Variants in DSCAML1 observed in about 807,000 individuals in gnomAD.
The protein encoded by DSCAML1 is DS cell adhesion molecule like 1, also known as cell adhesion molecule DSCAML1.
In DSCAML1, 38 loss-of-function variants were observed where a neutral mutation model predicts 200.5. That is an observed-to-expected ratio of 0.19 (90% CI 0.15 to 0.25). The LOEUF (loss-of-function observed/expected upper bound fraction) is 0.25. DSCAML1 is among the 10% of genes least tolerant of loss of function. DSCAML1 has a pLI of 1.00. For synonymous variants in DSCAML1, 1,215 were observed against 1,165.0 expected (o/e 1.04, Z -0.87); for missense variants, 2,223 against 2,858.8 (o/e 0.78, Z 5.07).
intron 3 of DSCAML1, among the ~76,000 whole-genome samples, chr11:117,595,226 AAGTC>A (rs2051341093): frequency 6.6e-6 from 1 of 152,152 alleles, no homozygotes; most frequent in Admixed American, 6.5e-5. Context: ...GGGATCAAGA[AAGTC>A]AGTGGAGCCA....
chr11:117,814,866 T>C (rs929998150), intron 1 of DSCAML1, among the ~76,000 whole-genome samples: 2 of 152,208 alleles, frequency 1.3e-5, no homozygotes, highest in African/African-American at 2.4e-5. Context: ...ATGATTTTAT[T>C]AGCTGTGTTG....
intron 3 of DSCAML1, among the ~76,000 whole-genome samples, chr11:117,746,503 G>A (rs2054520436): frequency 6.6e-6 from 1 of 152,062 alleles, no homozygotes; most frequent in African/African-American, 2.4e-5. Flanking sequence ...AGTGGTACCT[G>A]GGGAAGTGCT....
intron 1 of DSCAML1, among the ~76,000 whole-genome samples, chr11:117,811,214 C>A (rs1388419819): frequency 1.1e-4 from 16 of 152,218 alleles, no homozygotes; most frequent in African/African-American, 3.4e-4. Context: ...AAATATAAAA[C>A]CCCAGCCGAG....
At chr11:117,669,812 A>G (rs1024717096) in intron 3 of DSCAML1, among the ~76,000 whole-genome samples, 1 of 152,234 alleles carries the variant, frequency 6.6e-6, no homozygotes, top group Admixed American at 6.5e-5. Flanking sequence ...GCAGGGGCGG[A>G]TGGAACATCC....
chr11:117,791,612 C>T lies in DSCAML1; in HGVS notation c.46+5422G>A, dbSNP rs150058793. On this transcript the variant is annotated intron_variant, in intron 1 of 32. Transcript: ENST00000651296. ...AAGTGTGCTGGGCACCCCAGGGACA[C>T]TCAGGTGACCACATGGCCTCAGCCA... Among the ~76,000 whole-genome samples the T allele has an allele frequency of 4.1e-4, 62 of 152,354 alleles. 1 individual carries two copies. In the Middle Eastern group the frequency reaches 0.02, roughly 50 times the overall value.
At position 117,810,960 on chromosome 11, in the gene DSCAML1, C is replaced by A. The variant is rs1480596629; in HGVS notation, c.-250+6430G>T. 2.0e-5 allele frequency among the ~76,000 whole-genome samples: 3 copies of A among 152,246 alleles called. 1 individual carries two copies. The South Asian group carries it at 6.2e-4, about 32-fold the overall frequency. The stretch of plus-strand genomic sequence containing the variant: ...TTTTCTACAGACCCATCTGACCTCT[C>A]CCCTCCTCGCCAGACCAAGCTAGGT... On this transcript the variant is annotated intron_variant, in intron 1 of 2. Transcript: ENST00000525836.
rs918702499 is a variant in DSCAML1, at chr11:117,503,607, G to A, written c.2359+238C>T. On this transcript the variant is annotated intron_variant, in intron 11 of 32. Transcript: ENST00000651296. The surrounding 1 kb of genome is among the most constrained non-coding windows in gnomAD (Gnocchi z 5.2). ...GATATTGCAGCAGAGCAAATCATGA[G>A]CTTATTGTGACCAGGGTGGGGTGAG... Among the ~76,000 whole-genome samples, 1 of 152,224 alleles carries A rather than the reference G, an allele frequency of 6.6e-6. No homozygotes were observed. Among genetic ancestry groups the A allele is most frequent in the Non-Finnish European group, 1.5e-5 (1 of 68,036 alleles).
rs79944824 is a variant in DSCAML1, at chr11:117,570,468, C to A, written c.512-37946G>T. On this transcript the variant is annotated intron_variant, in intron 3 of 32. Transcript: ENST00000651296. ...TATTTACTTGCAAATTTATTTTATA[C>A]CTCCCTCTGCACTGAAATATAAGTG... is the stretch of plus-strand genomic sequence containing the variant. Among the ~76,000 whole-genome samples the A allele has an allele frequency of 9.1e-3, 1,388 of 152,276 alleles. 25 individuals carry two copies. Among genetic ancestry groups the A allele is most frequent in the African/African-American group, 0.032 (1,324 of 41,522 alleles).
intron 20 of DSCAML1, among the ~76,000 whole-genome samples, chr11:117,448,650 A>C: frequency 1.5e-5 from 2 of 130,770 alleles, no homozygotes; most frequent in African/African-American, 2.9e-5. Context: ...GGGGGTGGGT[A>C]GAGTTGGGGG....
intron 1 of DSCAML1, among the ~76,000 whole-genome samples, chr11:117,791,671 G>A (rs12293842): frequency 0.059 from 8,992 of 152,254 alleles, 742 homozygotes; most frequent in African/African-American, 0.18. Flanking sequence ...GCTAGGTGAC[G>A]GATGGAAGGA....
At chr11:117,478,631 C>T (rs1396993862) in intron 14 of DSCAML1, among the ~76,000 whole-genome samples, 1 of 152,212 alleles carries the variant, frequency 6.6e-6, no homozygotes, top group African/African-American at 2.4e-5. Flanking sequence ...GAAAGCTCAG[C>T]CCGGACGCCT....
chr11:117,749,953 T>C (rs2054578884), intron 3 of DSCAML1, among the ~76,000 whole-genome samples: 1 of 152,248 alleles, frequency 6.6e-6, no homozygotes, highest in African/African-American at 2.4e-5. Context: ...CATGGAAACG[T>C]AAGGGTGACA....
intron 11 of DSCAML1, among the ~76,000 whole-genome samples, chr11:117,487,298 T>G (rs1223120032): frequency 6.6e-6 from 1 of 152,058 alleles, no homozygotes; most frequent in Non-Finnish European, 1.5e-5. Flanking sequence ...CTATTATAAT[T>G]AATCTCACCT....
rs1359795495 is a variant in DSCAML1, at chr11:117,518,953, G to A, written c.1214-191C>T. 6.6e-6 allele frequency among the ~76,000 whole-genome samples: 1 copy of A among 152,240 alleles called. No individual in the cohort carries two copies. The highest frequency in any genetic ancestry group is 1.9e-4 in the East Asian group (1 of 5,202). On this transcript the variant is annotated intron_variant, in intron 6 of 32. Transcript: ENST00000651296. The surrounding 1 kb of genome is among the most constrained non-coding windows in gnomAD (Gnocchi z 6.3). ...TTACTGCTGTACATGGATTCAGGCT[G>A]TAGGGTTTGCATCCTCCCTCAATCA... is the stretch of plus-strand genomic sequence containing the variant.
intron 1 of DSCAML1, among the ~76,000 whole-genome samples, chr11:117,816,819 T>G (rs2055814184): frequency 6.7e-6 from 1 of 149,932 alleles, no homozygotes; most frequent in Non-Finnish European, 1.5e-5. Flanking sequence ...GGTGGAGATT[T>G]CTCCTGATGC....
chr11:117,746,221 C>CAGA (rs2054515714), intron 3 of DSCAML1, among the ~76,000 whole-genome samples: 1 of 66,822 alleles, frequency 1.5e-5, no homozygotes, highest in East Asian at 4.7e-4. Context: ...GACTCTGTCT[C>CAGA]AAAAAAAAAA....
intron 3 of DSCAML1, among the ~76,000 whole-genome samples, chr11:117,657,616 T>C (rs2052760626): frequency 6.6e-6 from 1 of 152,192 alleles, no homozygotes. Context: ...CTCACCCCCA[T>C]GCTTTCATCT....
In DSCAML1 at chr11:117,464,983, C is replaced by T; in HGVS notation, c.3224G>A (p.Gly1075Glu). The T allele has an allele frequency of 6.2e-7, 1 of 1,614,080 alleles. No homozygotes were observed. The highest frequency in any genetic ancestry group is 8.5e-7 in the Non-Finnish European group (1 of 1,179,978). ...GGCATTGATCTCGCTGGAAGAGGGC[C>T]CCGTGCCAGCCCGATTGAAGGCTTG... ...VVQAFNRAGT[G>E]PSSSEINATT... Residue 1075 changes from glycine (G) to glutamate (E), a missense_variant, in exon 17 of 33, where the codon GGG (glycine) becomes GAG (glutamate). Physicochemically the swap from Gly to Glu is moderately conservative, Grantham distance 98. Coordinates refer to ENST00000651296, the MANE Select transcript of DSCAML1 (RefSeq NM_020693.4).
chr11:117,792,452 C>T (rs2055486772), intron 1 of DSCAML1, among the ~76,000 whole-genome samples: 1 of 152,112 alleles, frequency 6.6e-6, no homozygotes, highest in Admixed American at 6.5e-5. Context: ...ACACGCCCTT[C>T]CCTCAGTGAC....
Sources: allele counts gnomAD v4.1 joint callset (sites outside exome capture counted in the v4.1 genomes callset), GRCh38; gene constraint gnomAD v4.1.1; non-coding constraint Gnocchi (gnomAD v3.1); transcripts MANE v1.5; gene names NCBI Gene and HGNC (gene_info 2026-07-23, HGNC 2026-07-21).